Variants in ASAP1 observed in about 807,000 individuals in gnomAD.
The protein encoded by ASAP1 is arf-GAP with SH3 domain, ANK repeat and PH domain-containing protein 1.
In ASAP1, 43 loss-of-function variants were observed where a neutral mutation model predicts 145.2. The observed-to-expected ratio is 0.30, with a 90% CI of 0.23 to 0.38. ASAP1 has a LOEUF of 0.38. ASAP1 is among the 10% of genes least tolerant of loss of function. The probability of loss-of-function intolerance (pLI) is 1.00; values close to 1 mark genes in which losing one functional copy is unlikely to be tolerated. For synonymous variants in ASAP1, 546 were observed against 515.5 expected, an observed-to-expected ratio of 1.06 and a Z score of -0.80; for missense variants, 1,018 against 1,355.3, an observed-to-expected ratio of 0.75 and a Z score of 3.91.
chr8:130,220,834 C>G (rs1016723413), intron 4 of ASAP1, among the ~76,000 whole-genome samples: 1 of 152,154 alleles, frequency 6.6e-6, no homozygotes, highest in African/African-American at 2.4e-5. Flanking sequence ...CACATGGTAA[C>G]GGCAAGGAGA....
intron 1 of ASAP1, among the ~76,000 whole-genome samples, chr8:130,440,879 T>C (rs1830466347): frequency 6.6e-6 from 1 of 152,132 alleles, no homozygotes. Flanking sequence ...AGCCCCTACT[T>C]TGGTCCCAGG....
intron 5 of ASAP1, among the ~76,000 whole-genome samples, chr8:130,213,369 A>G (rs1409464682): frequency 2.6e-5 from 4 of 152,252 alleles, no homozygotes; most frequent in Non-Finnish European, 4.4e-5. Flanking sequence ...TGTGACAGAG[A>G]AAAAGAATAT....
At chr8:130,074,227 T>C (rs1285927738) in intron 27 of ASAP1, among the ~76,000 whole-genome samples, 1 of 152,080 alleles carries the variant, frequency 6.6e-6, no homozygotes, top group Non-Finnish European at 1.5e-5. Context: ...GATGTAGTAA[T>C]AGAATTGCGT....
chr8:130,291,289 G>T (rs1056508569), intron 3 of ASAP1, among the ~76,000 whole-genome samples: 45 of 152,180 alleles, frequency 3.0e-4, no homozygotes. Flanking sequence ...ATAGACACTT[G>T]CTAAAGTATA....
intron 27 of ASAP1, among the ~76,000 whole-genome samples, chr8:130,064,599 G>A (rs1757254181): frequency 1.3e-5 from 2 of 152,126 alleles, no homozygotes; most frequent in African/African-American, 4.8e-5. Context: ...GAAAACTTCT[G>A]TGACCAAATG....
At chr8:130,077,331 T>C (rs1274156431) in intron 26 of ASAP1, among the ~76,000 whole-genome samples, 6 of 152,180 alleles carry the variant, frequency 3.9e-5, no homozygotes. Context: ...GAAACCCCAG[T>C]GCCATCAGTG....
chr8:130,180,859 T>C lies in ASAP1; in HGVS notation c.552A>G (p.Lys184=). 1 of 1,611,516 alleles carries C rather than the reference T, an allele frequency of 6.2e-7. No individual in the cohort carries two copies. The highest frequency in any genetic ancestry group is 8.5e-7 in the Non-Finnish European group (1 of 1,179,340). ...TCCCATGTTGTTTTGCGTGCTCTCT[T>C]TTCTCTTTCTCAATTTTTGTACTGT... ...ETKFTKIEKE[K]REHAKQHGMI... Residue 184 remains lysine (K), a synonymous_variant, in exon 8 of 30, where the codon AAA becomes AAG. Transcript: ENST00000518721.
At chr8:130,144,527 G>T (rs776426104) in intron 13 of ASAP1, among the ~76,000 whole-genome samples, 3 of 152,142 alleles carry the variant, frequency 2.0e-5, no homozygotes, top group Non-Finnish European at 4.4e-5. Context: ...GTCAAGCCAA[G>T]CCCTAGGAAA....
intron 10 of ASAP1, among the ~76,000 whole-genome samples, chr8:130,168,267 T>C (rs1477336640): frequency 6.6e-6 from 1 of 152,194 alleles, no homozygotes; most frequent in Non-Finnish European, 1.5e-5. Flanking sequence ...AACTTTACCA[T>C]TTCTAATATA....
In ASAP1 at chr8:130,152,717, A is replaced by T. The variant is rs1490170401; in HGVS notation, c.1080+19T>A. 1 of 1,592,614 alleles carries T rather than the reference A, an allele frequency of 6.3e-7. No individual in the cohort carries two copies. Among genetic ancestry groups the T allele is most frequent in the East Asian group, 2.2e-5 (1 of 44,504 alleles). ...GCTTTCTGGCCCATGAGGCAGGGTA[A>T]ATTAAGAAACATACTTACTGTGGCA... On this transcript the variant is annotated intron_variant, in intron 13 of 29. Transcript: ENST00000518721.
intron 3 of ASAP1, among the ~76,000 whole-genome samples, chr8:130,339,680 C>G (rs767770824): frequency 5.3e-5 from 8 of 152,032 alleles, no homozygotes; most frequent in Non-Finnish European, 8.8e-5. Flanking sequence ...GTGTTTTAAC[C>G]AATAAAAGCA....
At chr8:130,078,630 C>T (rs2097470415) in intron 26 of ASAP1, among the ~76,000 whole-genome samples, 1 of 152,124 alleles carries the variant, frequency 6.6e-6, no homozygotes. Context: ...ATATTCTCCT[C>T]ACTCTGGAAA....
chr8:130,069,380 CATGTG>C (rs2097437192), intron 27 of ASAP1, among the ~76,000 whole-genome samples: 3 of 152,228 alleles, frequency 2.0e-5, no homozygotes, highest in Non-Finnish European at 2.9e-5. Context: ...GGACTACAGG[CATGTG>C]GCACCACGCC....
At chr8:130,114,215 A>C (rs979752499) in intron 23 of ASAP1, among the ~76,000 whole-genome samples, 3 of 152,196 alleles carry the variant, frequency 2.0e-5, no homozygotes, top group African/African-American at 7.2e-5. Flanking sequence ...TCTTGTGCGA[A>C]CATCATAGAG....
At chr8:130,148,127 G>A (rs944825944) in intron 13 of ASAP1, among the ~76,000 whole-genome samples, 2 of 152,160 alleles carry the variant, frequency 1.3e-5, no homozygotes, top group African/African-American at 4.8e-5. Context: ...ACTAATTCAA[G>A]GAGTATCAAG....
At chr8:130,311,761 CAAA>C (rs201264577) in intron 3 of ASAP1, among the ~76,000 whole-genome samples, 5 of 85,364 alleles carry the variant, frequency 5.9e-5, no homozygotes, top group African/African-American at 2.1e-4. Context: ...AACTCCGTCT[CAAA>C]AAAAAAAAAA....
At chr8:130,102,602 T>G (rs2097530603) in intron 24 of ASAP1, among the ~76,000 whole-genome samples, 1 of 152,234 alleles carries the variant, frequency 6.6e-6, no homozygotes, top group South Asian at 2.1e-4. Flanking sequence ...AGGGCAATGC[T>G]GGCCTCATTG....
At chr8:130,392,216 A>C (rs1828315902) in intron 2 of ASAP1, among the ~76,000 whole-genome samples, 1 of 152,196 alleles carries the variant, frequency 6.6e-6, no homozygotes, top group Non-Finnish European at 1.5e-5. Context: ...CTGTTTTTTA[A>C]AAAGCCCCCA....
chr8:130,130,312 G>A (rs2097581104), intron 15 of ASAP1, among the ~76,000 whole-genome samples: 1 of 152,174 alleles, frequency 6.6e-6, no homozygotes, highest in Non-Finnish European at 1.5e-5. Flanking sequence ...TGTCAGACCA[G>A]ATGGGGATAA....
Sources: allele counts gnomAD v4.1 joint callset (sites outside exome capture counted in the v4.1 genomes callset), GRCh38; gene constraint gnomAD v4.1.1; transcripts MANE v1.5; gene names NCBI Gene and HGNC (gene_info 2026-07-23, HGNC 2026-07-21).